TMCO5A: variants seen among roughly 807,000 people sequenced by gnomAD.
The protein encoded by TMCO5A is transmembrane and coiled-coil domains 5A, also known as transmembrane and coiled-coil domain-containing protein 5A.
TMCO5A carries 34 observed loss-of-function variants against 42.3 expected under a neutral mutation model. The observed-to-expected ratio is 0.80, with a 90% CI of 0.61 to 1.07. TMCO5A has a LOEUF of 1.07. Ranked by LOEUF, TMCO5A falls within the 50% of genes least tolerant of loss-of-function variation. TMCO5A has a pLI of 0.00. For missense variants in TMCO5A, 357 were observed against 327.9 expected (o/e 1.09, Z -0.69); for synonymous variants, 131 against 115.6 (o/e 1.13, Z -0.86).
the TMCO5A span, among the ~76,000 whole-genome samples, chr15:37,973,135 G>A: frequency 2.4e-4 from 36 of 148,156 alleles, no homozygotes; most frequent in South Asian, 1.1e-3. Flanking sequence ...ATCAGTCTAT[G>A]TGTTTTTATT....
the TMCO5A span, among the ~76,000 whole-genome samples, chr15:38,005,539 T>C: frequency 2.6e-5 from 4 of 151,934 alleles, no homozygotes; most frequent in Non-Finnish European, 5.9e-5. Flanking sequence ...ATCACACCAT[T>C]GTACTCTAGC....
chr15:37,962,776 T>G (rs759126548), intron 11 of TMCO5A, among the ~76,000 whole-genome samples: 10 of 152,146 alleles, frequency 6.6e-5, no homozygotes, highest in Non-Finnish European at 1.3e-4. Context: ...AGGAGGGTTG[T>G]ATCTTTCCAG....
chr15:38,039,790 C>T, the TMCO5A span, among the ~76,000 whole-genome samples: 1 of 152,114 alleles, frequency 6.6e-6, no homozygotes, highest in Non-Finnish European at 1.5e-5. Context: ...TAACAAATTG[C>T]CACAAACTTA....
the TMCO5A span, among the ~76,000 whole-genome samples, chr15:38,009,757 C>A: frequency 6.6e-6 from 1 of 152,210 alleles, no homozygotes; most frequent in East Asian, 1.9e-4. Flanking sequence ...AGTCAAGTCA[C>A]TCAAGCTCTC....
At chr15:38,018,568 A>C in the TMCO5A span, among the ~76,000 whole-genome samples, 1 of 152,158 alleles carries the variant, frequency 6.6e-6, no homozygotes, top group African/African-American at 2.4e-5. Flanking sequence ...ACTGGCAAAA[A>C]AAAGAGATGT....
intron 11 of TMCO5A, among the ~76,000 whole-genome samples, chr15:37,949,521 A>G (rs1220048507): frequency 6.6e-6 from 1 of 152,082 alleles, no homozygotes; most frequent in African/African-American, 2.4e-5. Flanking sequence ...GTGGAATGGA[A>G]GAAAGAGTTC....
At chr15:37,981,799 G>A in the TMCO5A span, among the ~76,000 whole-genome samples, 1 of 152,278 alleles carries the variant, frequency 6.6e-6, no homozygotes, top group Admixed American at 6.5e-5. Context: ...GGAGATAAAC[G>A]GCTGTTGGCT....
At chr15:38,018,164 G>A in the TMCO5A span, among the ~76,000 whole-genome samples, 1 of 152,106 alleles carries the variant, frequency 6.6e-6, no homozygotes, top group Non-Finnish European at 1.5e-5. Flanking sequence ...CACAAATTCT[G>A]AAGAAACCCA....
chr15:37,944,563 T>C (rs542228576), intron 10 of TMCO5A: 2 of 152,234 alleles, frequency 1.3e-5, no homozygotes, highest in Admixed American at 6.5e-5. Flanking sequence ...TAAAAGTTTC[T>C]TTCTAATTCA....
chr15:37,961,433 G>T (rs1890426136), intron 11 of TMCO5A, among the ~76,000 whole-genome samples: 1 of 152,072 alleles, frequency 6.6e-6, no homozygotes, highest in African/African-American at 2.4e-5. Flanking sequence ...ATGCTGTTTT[G>T]GTGACTATGG....
At chr15:37,982,466 AATAG>A in the TMCO5A span, among the ~76,000 whole-genome samples, 1 of 69,308 alleles carries the variant, frequency 1.4e-5, no homozygotes, top group Non-Finnish European at 2.5e-5. Flanking sequence ...CCTATTATAT[AATAG>A]ATATTTTATG....
At chr15:38,040,740 A>T in the TMCO5A span, 3 of 152,246 alleles carry the variant, frequency 2.0e-5, no homozygotes, top group Non-Finnish European at 4.4e-5. Context: ...CAAAATGTCC[A>T]GAATAGGCAG....
chr15:37,955,338 C>A (rs772910661), downstream of TMCO5A, among the ~76,000 whole-genome samples: 1 of 149,150 alleles, frequency 6.7e-6, no homozygotes, highest in African/African-American at 2.5e-5. Flanking sequence ...GTAATGAGAT[C>A]AAAGCTGTAA....
At chr15:38,038,239 C>T in the TMCO5A span, among the ~76,000 whole-genome samples, 1 of 152,034 alleles carries the variant, frequency 6.6e-6, no homozygotes, top group Non-Finnish European at 1.5e-5. Context: ...CTATGAAGTA[C>T]ATCACATAAA....
the TMCO5A span, among the ~76,000 whole-genome samples, chr15:38,017,453 A>G: frequency 1.3e-5 from 2 of 152,148 alleles, no homozygotes; most frequent in Non-Finnish European, 2.9e-5. Context: ...CAAAAATGGT[A>G]ACCTGCCTGC....
chr15:37,993,404 T>G, the TMCO5A span: 4 of 151,982 alleles, frequency 2.6e-5, no homozygotes, highest in Non-Finnish European at 5.9e-5. Context: ...TGTTATAGAC[T>G]GTCTGCGAGG....
At chr15:37,965,479 G>T (rs1371309485) in intron 11 of TMCO5A, among the ~76,000 whole-genome samples, 1 of 152,158 alleles carries the variant, frequency 6.6e-6, no homozygotes, top group African/African-American at 2.4e-5. Flanking sequence ...ACACTTCACA[G>T]AATAGGGGAA....
chr15:37,970,635 G>A (rs935484019), downstream of TMCO5A, among the ~76,000 whole-genome samples: 4 of 152,178 alleles, frequency 2.6e-5, no homozygotes, highest in African/African-American at 7.2e-5. Flanking sequence ...TTCTGCCTAT[G>A]AGACTGTAAA....
chr15:38,034,491 A>T, the TMCO5A span, among the ~76,000 whole-genome samples: 1 of 152,336 alleles, frequency 6.6e-6, no homozygotes, highest in South Asian at 2.1e-4. Context: ...TATAAAAAAT[A>T]GGATTCCTTT....
Sources: allele counts gnomAD v4.1 joint callset (sites outside exome capture counted in the v4.1 genomes callset), GRCh38; gene constraint gnomAD v4.1.1; transcripts MANE v1.5; gene names NCBI Gene and HGNC (gene_info 2026-07-23, HGNC 2026-07-21).